Variants in PDE4DIP observed in about 807,000 individuals in gnomAD.
The protein encoded by PDE4DIP is phosphodiesterase 4D interacting protein.
In PDE4DIP, 59 loss-of-function variants were observed where a neutral mutation model predicts 221.4. The observed-to-expected ratio is 0.27, with a 90% CI of 0.22 to 0.33. PDE4DIP has a LOEUF of 0.33. PDE4DIP is among the 10% of genes least tolerant of loss of function. The pLI is 1.00. For synonymous variants in PDE4DIP, 404 were observed against 815.9 expected (o/e 0.50, Z 8.60); for missense variants, 1,036 against 2,154.2 (o/e 0.48, Z 10.28).
chr1:149,028,738 A>T, intron 41 of PDE4DIP, 35 bp downstream of exon 44: 1 of 1,298,604 alleles, frequency 7.7e-7, no homozygotes. Flanking sequence ...GTTCAAACCC[A>T]GTTCTCCTGC....
Position 148,979,922 on chromosome 1 carries a change from T to C in PDE4DIP, c.2687+73T>C, listed in dbSNP as rs1439471760. 4.5e-6 allele frequency: 7 copies of C among 1,540,894 alleles called. No homozygotes were observed. In the Admixed American group the frequency reaches 1.1e-4, roughly 23 times the overall value. On this transcript the variant is annotated intron_variant, in intron 20 of 43. Transcript: ENST00000369354. ...TTCTTTTACTATTGTATTTATGCCT[T>C]TTATTCTTCATTAAGTGCAGATGCT...
At chr1:148,859,660 G>A (rs1194761291) in intron 1 of PDE4DIP, among the ~76,000 whole-genome samples, 2 of 147,788 alleles carry the variant, frequency 1.4e-5, no homozygotes, top group African/African-American at 5.2e-5. Context: ...CATATTAGCT[G>A]AGCATGAGTC....
chr1:149,019,825 G>A (rs587611790), intron 35 of PDE4DIP, among the ~76,000 whole-genome samples: 4 of 152,034 alleles, frequency 2.6e-5, no homozygotes, highest in East Asian at 1.9e-4. Context: ...AAATCTTGAC[G>A]TTGATCTTTG....
Position 148,821,761 on chromosome 1 carries a change from C to G in PDE4DIP, c.233+13024C>G, listed in dbSNP as rs1553361218. 1.3e-5 allele frequency among the ~76,000 whole-genome samples: 2 copies of G among 148,236 alleles called. 1 individual carries two copies. The highest frequency in any genetic ancestry group is 5.1e-5 in the African/African-American group (2 of 39,096). On this transcript the variant is annotated intron_variant, in intron 1 of 45. Coordinates refer to the PDE4DIP transcript ENST00000524974. ...ATTTAAAACAGGAACATCATATGATCTGAAAAATGTTAAAAAGTCACTTTG... is the reference window on the plus strand; with the variant it reads ...ATTTAAAACAGGAACATCATATGATGTGAAAAATGTTAAAAAGTCACTTTG...
At chr1:148,844,540 A>C (rs1466451838) in intron 1 of PDE4DIP, 1 of 102,558 alleles carries the variant, frequency 9.8e-6, no homozygotes, top group African/African-American at 3.4e-5. Flanking sequence ...CCTACTGAGA[A>C]CAGTCCCTCC....
At chr1:148,934,138 A>G (rs1293131223) in intron 4 of PDE4DIP, among the ~76,000 whole-genome samples, 3 of 150,082 alleles carry the variant, frequency 2.0e-5, no homozygotes, top group African/African-American at 7.4e-5. Context: ...TTTCCCTTCT[A>G]GTGAACCTCA....
chr1:149,005,130 A>G, exon 27 of PDE4DIP: 1 of 1,614,046 alleles, frequency 6.2e-7, no homozygotes, highest in Non-Finnish European at 8.5e-7. Context: ...GAATGCCAAC[A>G]AGGTCATTCA....
At chr1:148,953,766 C>CA (rs2054325079) in intron 5 of PDE4DIP, 1 of 1,459,990 alleles carries the variant, frequency 6.8e-7, no homozygotes, top group African/African-American at 1.4e-5. Context: ...CCTAGCATGA[C>CA]AGATGGAGTT....
intron 14 of PDE4DIP, among the ~76,000 whole-genome samples, chr1:148,970,840 T>C (rs1488965764): frequency 6.6e-6 from 1 of 152,196 alleles, no homozygotes; most frequent in Admixed American, 6.5e-5. Flanking sequence ...CTGATACGTC[T>C]AAAATAGTTA....
At chr1:148,975,637 G>C (rs868934074) in intron 17 of PDE4DIP, among the ~76,000 whole-genome samples, 3 of 152,278 alleles carry the variant, frequency 2.0e-5, no homozygotes, top group South Asian at 2.1e-4. Context: ...TTCAGCCTTA[G>C]AGATTCCCTT....
At chr1:148,846,444 C>CAA (rs143812422) in intron 1 of PDE4DIP, among the ~76,000 whole-genome samples, 2 of 3,532 alleles carry the variant, frequency 5.7e-4, no homozygotes, top group Non-Finnish European at 8.8e-4. Context: ...AACTCCGCCT[C>CAA]AAAAAAAAAA....
chr1:148,828,989 C>T (rs1671323606), intron 1 of PDE4DIP, among the ~76,000 whole-genome samples: 1 of 149,018 alleles, frequency 6.7e-6, no homozygotes, highest in African/African-American at 2.4e-5. Context: ...CATTTTAAGG[C>T]ATTGTCCCAG....
intron 14 of PDE4DIP, among the ~76,000 whole-genome samples, chr1:148,970,701 A>G (rs1440660359): frequency 6.6e-6 from 1 of 152,164 alleles, no homozygotes; most frequent in Non-Finnish European, 1.5e-5. Context: ...CACTGCTAAA[A>G]ACTCTTAAAT....
intron 41 of PDE4DIP, 141 bp downstream of exon 44, chr1:149,028,844 C>A (rs1191904888): frequency 3.2e-6 from 2 of 621,478 alleles, no homozygotes; most frequent in Middle Eastern, 8.6e-4. Context: ...AGAGGAGTGT[C>A]CCTGGAGGGA....
At chr1:149,010,541 A>G (rs137931320) in exon 31 of PDE4DIP, 3 of 1,614,078 alleles carry the variant, frequency 1.9e-6, no homozygotes, top group Non-Finnish European at 2.5e-6. Flanking sequence ...CAGCAACCCC[A>G]TCAGCTTGCC....
intron 1 of PDE4DIP, among the ~76,000 whole-genome samples, chr1:148,822,543 A>G (rs1399136914): frequency 4.0e-5 from 6 of 151,382 alleles, no homozygotes; most frequent in Non-Finnish European, 5.9e-5. Context: ...CTGTCCATGG[A>G]AAAGTTGTCT....
intron 22 of PDE4DIP, chr1:148,992,756 T>G (rs1413794404): frequency 1.2e-6 from 1 of 845,206 alleles, no homozygotes; most frequent in Non-Finnish European, 1.5e-6. Flanking sequence ...CTATGATTCT[T>G]AAGGAGAAAG....
Position 148,820,814 on chromosome 1 carries a change from A to C in PDE4DIP, c.233+12077A>C, listed in dbSNP as rs1235358385. Among the ~76,000 whole-genome samples the C allele has an allele frequency of 9.6e-5, 14 of 145,330 alleles. No individual in the cohort carries two copies. The South Asian group carries it at 3.3e-3, about 34-fold the overall frequency. ...GAGCTAAATGATAATCTTGAGACCCACACGAGGATGATCTGATTATTTATT... is the reference window on the plus strand; with the variant it reads ...GAGCTAAATGATAATCTTGAGACCCCCACGAGGATGATCTGATTATTTATT... On this transcript the variant is annotated intron_variant, in intron 1 of 45. Coordinates refer to the PDE4DIP transcript ENST00000524974.
chr1:148,926,880 G>A (rs1469889285), intron 1 of PDE4DIP, among the ~76,000 whole-genome samples: 1 of 143,216 alleles, frequency 7.0e-6, no homozygotes, highest in Non-Finnish European at 1.5e-5. Context: ...AATTATTCTT[G>A]CAGTGCCAGG....
Sources: gnomAD v4.1 joint callset for allele counts (sites outside exome capture counted in the v4.1 genomes callset) on GRCh38, gnomAD v4.1.1 for gene constraint, MANE v1.5 for transcripts, NCBI Gene and HGNC (gene_info 2026-07-23, HGNC 2026-07-21) for gene names.